The following RNF144A variants were observed in gnomAD, a reference collection of about 807,000 sequenced individuals.
The protein encoded by RNF144A is E3 ubiquitin-protein ligase RNF144A.
RNF144A carries 11 observed loss-of-function variants against 38.7 expected under a neutral mutation model. That is an observed-to-expected ratio of 0.28 (90% CI 0.18 to 0.47). The LOEUF (loss-of-function observed/expected upper bound fraction) is 0.47, where lower values mean the gene tolerates loss of function less well. Ranked by LOEUF, RNF144A falls within the 20% of genes least tolerant of loss-of-function variation. The pLI is 0.99. For synonymous variants in RNF144A, 149 were observed against 143.9 expected (o/e 1.04, Z -0.25); for missense variants, 316 against 377.2 (o/e 0.84, Z 1.34).
intron 5 of RNF144A, among the ~76,000 whole-genome samples, chr2:7,019,547 T>C (rs1475725729): frequency 3.3e-5 from 5 of 152,188 alleles, no homozygotes; most frequent in African/African-American, 1.2e-4. Flanking sequence ...TAGAAACCAG[T>C]GGCCTACCAG....
chr2:6,931,080 T>C (rs1572205171), intron 1 of RNF144A, among the ~76,000 whole-genome samples: 1 of 152,286 alleles, frequency 6.6e-6, no homozygotes, highest in Middle Eastern at 3.4e-3. Flanking sequence ...CACCTGCAGG[T>C]CTGACTGAGT....
At chr2:6,974,279 G>A (rs1054304328) in intron 2 of RNF144A, among the ~76,000 whole-genome samples, 1 of 152,200 alleles carries the variant, frequency 6.6e-6, no homozygotes, top group Non-Finnish European at 1.5e-5. Context: ...ATGCATTCTA[G>A]TTTTCAGAAA....
intron 2 of RNF144A, among the ~76,000 whole-genome samples, chr2:6,946,237 C>T (rs1043913548): frequency 3.3e-5 from 5 of 152,176 alleles, no homozygotes; most frequent in Admixed American, 3.3e-4. Flanking sequence ...AAATATCGTG[C>T]CTGCTCTCAG....
At position 6,958,649 on chromosome 2, in the gene RNF144A, G is replaced by A. The variant is rs927646126; in HGVS notation, c.-12+17502G>A. Among the ~76,000 whole-genome samples, 6 of 151,710 alleles carry A rather than the reference G, an allele frequency of 4.0e-5. No individual in the cohort carries two copies. In the South Asian group the frequency reaches 1.0e-3, roughly 26 times the overall value. ...ACGTTGAGGTACAAAGCTGAAGAAG[G>A]TTCAGTGTTCATGATTCTGGGGGAC... On this transcript the variant is annotated intron_variant, in intron 2 of 8. Coordinates refer to ENST00000320892, the MANE Select transcript of RNF144A (RefSeq NM_014746.6). The surrounding 1 kb of genome is among the most constrained non-coding windows in gnomAD (Gnocchi z 4.5).
rs1667401924 is a variant in RNF144A at position 6,962,384 on chromosome 2, G to A, written c.-12+21237G>A. Among the ~76,000 whole-genome samples the A allele has an allele frequency of 6.6e-6, 1 of 152,170 alleles. No individual in the cohort carries two copies. The highest frequency in any genetic ancestry group is 1.5e-5 in the Non-Finnish European group (1 of 68,020). On this transcript the variant is annotated intron_variant, in intron 2 of 8. Coordinates refer to ENST00000320892, the MANE Select transcript of RNF144A (RefSeq NM_014746.6). The surrounding 1 kb of genome is among the most constrained non-coding windows in gnomAD (Gnocchi z 4.1). ...ACCCTTTTCTATGGTGCAGCTGCTG[G>A]CATCCCCCATAGAAGTTTCTGGCTT...
At chr2:7,054,496 A>ATATTTCT in intron 6 of RNF144A, among the ~76,000 whole-genome samples, 1 of 152,210 alleles carries the variant, frequency 6.6e-6, no homozygotes, top group East Asian at 1.9e-4. Flanking sequence ...TGCAAGTTAA[A>ATATTTCT]GTCTGAGAAA....
At chr2:7,048,076 G>A (rs79498498), downstream of RNF144A, among the ~76,000 whole-genome samples, 7 of 152,128 alleles carry the variant, frequency 4.6e-5, no homozygotes, top group South Asian at 2.1e-4. Context: ...TCTGAAGATC[G>A]CATCCCAGGA....
At chr2:7,067,818 G>A (rs1674295634) in intron 6 of RNF144A, among the ~76,000 whole-genome samples, 1 of 152,106 alleles carries the variant, frequency 6.6e-6, no homozygotes, top group Non-Finnish European at 1.5e-5. Context: ...GGCTAAGAAC[G>A]CTGCTAAGTC....
intron 7 of RNF144A, among the ~76,000 whole-genome samples, chr2:7,025,863 C>A (rs889491600): frequency 6.6e-6 from 1 of 152,068 alleles, no homozygotes; most frequent in East Asian, 1.9e-4. Context: ...CCATTCAGGT[C>A]TCATTCAAAT....
chr2:7,070,689 G>A (rs1303147953), downstream of RNF144A, among the ~76,000 whole-genome samples: 10 of 152,278 alleles, frequency 6.6e-5, no homozygotes, highest in East Asian at 1.7e-3. Flanking sequence ...AGAGGCAAGT[G>A]CTATGTAAAA....
At chr2:6,984,627 A>T (rs1304166853) in intron 2 of RNF144A, among the ~76,000 whole-genome samples, 1 of 152,222 alleles carries the variant, frequency 6.6e-6, no homozygotes, top group Non-Finnish European at 1.5e-5. Context: ...GATTGGAAGG[A>T]TGTCTCTGCC....
chr2:7,074,026 C>T, the RNF144A span, among the ~76,000 whole-genome samples: 1 of 152,206 alleles, frequency 6.6e-6, no homozygotes, highest in Non-Finnish European at 1.5e-5. Context: ...GAGCCCTTGC[C>T]CTATCCTCAA....
At position 6,958,617 on chromosome 2, in the gene RNF144A, G is replaced by A. The variant is rs908087948; in HGVS notation, c.-12+17470G>A. ...CTCTCTCCTATGTCACGGTGGGAGTGTGTGGGACGTTGAGGTACAAAGCTG... is the reference window on the plus strand; with the variant it reads ...CTCTCTCCTATGTCACGGTGGGAGTATGTGGGACGTTGAGGTACAAAGCTG... On this transcript the variant is annotated intron_variant, in intron 2 of 8. Coordinates refer to ENST00000320892, the MANE Select transcript of RNF144A (RefSeq NM_014746.6). The surrounding 1 kb of genome is among the most constrained non-coding windows in gnomAD (Gnocchi z 4.5). Among the ~76,000 whole-genome samples, 1 of 152,130 alleles carries A rather than the reference G, an allele frequency of 6.6e-6. No individual in the cohort carries two copies. Among genetic ancestry groups the A allele is most frequent in the African/African-American group, 2.4e-5 (1 of 41,424 alleles).
chr2:6,979,943 A>G (rs1057111179), intron 2 of RNF144A, among the ~76,000 whole-genome samples: 2 of 152,230 alleles, frequency 1.3e-5, no homozygotes, highest in African/African-American at 2.4e-5. Context: ...GAAACTCACA[A>G]TTATGGCTGA....
intron 2 of RNF144A, among the ~76,000 whole-genome samples, chr2:6,985,051 A>C (rs1336517678): frequency 6.6e-6 from 1 of 152,248 alleles, no homozygotes; most frequent in Non-Finnish European, 1.5e-5. Context: ...ACTAGAAAGC[A>C]AAGAGAAAAT....
At chr2:6,978,036 T>C (rs1668416498) in intron 2 of RNF144A, among the ~76,000 whole-genome samples, 1 of 152,106 alleles carries the variant, frequency 6.6e-6, no homozygotes, top group Non-Finnish European at 1.5e-5. Flanking sequence ...GGGGAACCCA[T>C]AGAACTGCAT....
chr2:7,029,607 C>T (rs1400197695), intron 7 of RNF144A, among the ~76,000 whole-genome samples: 2 of 152,166 alleles, frequency 1.3e-5, no homozygotes, highest in African/African-American at 4.8e-5. Context: ...AGGTGAGAAG[C>T]CCGACCTGAT....
chr2:7,040,783 C>CG lies in RNF144A; in HGVS notation c.*1023_*1024insG. Reference sequence around the variant, plus strand: ...CTCTGGGGGCTAGGGAAGAGCCTGCCAGATTTTCACATTTTTAAAATGTTC... The same window carrying CG: ...CTCTGGGGGCTAGGGAAGAGCCTGCCGAGATTTTCACATTTTTAAAATGTTC... On this transcript the variant is annotated 3_prime_UTR_variant, in exon 9 of 9. Transcript: ENST00000320892. 1 of 985,484 alleles carries CG rather than the reference C, an allele frequency of 1.0e-6. No individual in the cohort carries two copies. Among genetic ancestry groups the CG allele is most frequent in the Non-Finnish European group, 1.2e-6 (1 of 829,942 alleles). 61.0% of individuals were successfully genotyped at this position (985,484 alleles called of 1,614,324 possible).
Position 7,049,289 on chromosome 2 carries a change from G to A in RNF144A, c.735-18927G>A, listed in dbSNP as rs148867820. ...TGTATAGTGGCTGAGCACAGTCAGT[G>A]CTCAACAAATGTTGCTTGAATGAGC... is the stretch of plus-strand genomic sequence containing the variant. On this transcript the variant is annotated intron_variant, in intron 6 of 6. Transcript: ENST00000432850. Among the ~76,000 whole-genome samples, 637 of 152,340 alleles carry A rather than the reference G, an allele frequency of 4.2e-3. 10 individuals carry two copies. The highest frequency in any genetic ancestry group is 0.014 in the African/African-American group (595 of 41,572).
Sources: allele counts gnomAD v4.1 joint callset (sites outside exome capture counted in the v4.1 genomes callset), GRCh38; gene constraint gnomAD v4.1.1; non-coding constraint Gnocchi (gnomAD v3.1); transcripts MANE v1.5; gene names NCBI Gene and HGNC (gene_info 2026-07-23, HGNC 2026-07-21).